RNF220: variants seen among roughly 807,000 people sequenced by gnomAD.
The protein encoded by RNF220 is E3 ubiquitin-protein ligase RNF220.
Under a neutral mutation model 67.1 loss-of-function variants are expected in RNF220, and 7 were observed. That is an observed-to-expected ratio of 0.10 (90% confidence interval 0.06 to 0.20). The LOEUF (loss-of-function observed/expected upper bound fraction) is 0.20, where lower values mean the gene tolerates loss of function less well. Among genes scored for constraint, RNF220 ranks in the 10% least tolerant of loss-of-function variants. The pLI is 1.00. For synonymous variants in RNF220, 270 were observed against 283.2 expected (o/e 0.95, Z 0.47); for missense variants, 565 against 740.3 (o/e 0.76, Z 2.75).
In RNF220 at chr1:44,645,486, G is replaced by A; in HGVS notation, c.1443G>A (p.Glu481=). ...AGACCTGCAAGAACAGCGACATCGA[G>A]AAGTAAGTGTTTGGCCAGGAGAGAG... ...MQKTCKNSDI[E]KITEDSAVTT... Residue 481 remains glutamate (E), a splice_region_variant and synonymous_variant, in exon 12 of 15, where the codon GAG becomes GAA. Coordinates refer to ENST00000361799, the MANE Select transcript of RNF220 (RefSeq NM_018150.4). This position sits in a 1 kb window ranked among gnomAD's most constrained non-coding sequence, Gnocchi z 5.0. 6.2e-7 allele frequency: 1 copy of A among 1,613,900 alleles called. No homozygotes were observed. The highest frequency in any genetic ancestry group is 8.5e-7 in the Non-Finnish European group (1 of 1,179,964).
chr1:44,457,906 C>T (rs10890301), intron 2 of RNF220, among the ~76,000 whole-genome samples: 150,674 of 152,322 alleles, frequency 0.99, 74,528 homozygotes, highest in East Asian at 1. Context: ...TCCTTGATTC[C>T]TGAACAACCA....
At chr1:44,488,377 C>T (rs938565628) in intron 2 of RNF220, among the ~76,000 whole-genome samples, 1 of 152,198 alleles carries the variant, frequency 6.6e-6, no homozygotes, top group Non-Finnish European at 1.5e-5. Context: ...GATCCACCCG[C>T]CTCAGCCCCC....
chr1:44,545,854 T>C (rs1662094933), intron 2 of RNF220, among the ~76,000 whole-genome samples: 1 of 151,862 alleles, frequency 6.6e-6, no homozygotes, highest in African/African-American at 2.4e-5. Context: ...CCTCCTGGGT[T>C]CAAGCAATTC....
At chr1:44,529,963 A>G (rs1660704676) in intron 2 of RNF220, among the ~76,000 whole-genome samples, 1 of 152,060 alleles carries the variant, frequency 6.6e-6, no homozygotes, top group Non-Finnish European at 1.5e-5. Context: ...CTGAGGCAGG[A>G]GAATCGCTTG....
At chr1:44,619,750 A>C (rs1381532989) in intron 3 of RNF220, among the ~76,000 whole-genome samples, 1 of 152,230 alleles carries the variant, frequency 6.6e-6, no homozygotes, top group Non-Finnish European at 1.5e-5. Flanking sequence ...GGCGGGAGCC[A>C]GGCTGCCTAC....
chr1:44,639,759 T>C (rs1644434029), intron 8 of RNF220, among the ~76,000 whole-genome samples: 1 of 152,134 alleles, frequency 6.6e-6, no homozygotes, highest in Admixed American at 6.5e-5. Flanking sequence ...ACAAATCTTT[T>C]CTCTTCTTTT....
At chr1:44,487,548 G>T (rs1021356856) in intron 2 of RNF220, among the ~76,000 whole-genome samples, 2 of 150,712 alleles carry the variant, frequency 1.3e-5, no homozygotes, top group Non-Finnish European at 3.0e-5. Context: ...AAGTAGGGAC[G>T]TGGGCCGAGC....
chr1:44,517,567 T>G (rs1340506705), intron 2 of RNF220, among the ~76,000 whole-genome samples: 1 of 152,224 alleles, frequency 6.6e-6, no homozygotes, highest in Non-Finnish European at 1.5e-5. Context: ...GTTAGACATT[T>G]ATTTGCCTGT....
At chr1:44,545,090 C>T (rs1048715940) in intron 2 of RNF220, among the ~76,000 whole-genome samples, 8 of 152,210 alleles carry the variant, frequency 5.3e-5, no homozygotes, top group Non-Finnish European at 4.4e-5. Context: ...GGAAGGCAAG[C>T]GGGACACCTC....
In RNF220 at chr1:44,593,516, A is replaced by G. The variant is rs187280304; in HGVS notation, c.626-20649A>G. Among the ~76,000 whole-genome samples the G allele has an allele frequency of 5.1e-3, 782 of 151,916 alleles. 2 individuals are homozygous for G. The highest frequency in any genetic ancestry group is 7.9e-3 in the Non-Finnish European group (538 of 67,922). On this transcript the variant is annotated intron_variant, in intron 2 of 14. Transcript: ENST00000361799. ...AAGGCAAGAGGATCGCTTGAGCCCA[A>G]GAGTTGAAGACCAGCCTGGGCAACA...
rs968582426 is a variant in RNF220, at chr1:44,417,616, C to T, written c.625+4894C>T. ...CATGGTGAGAAAACGGACACCGCAG[C>T]CGTCCTCCCTCCTCGCCCCGCGCCC... On this transcript the variant is annotated intron_variant, in intron 2 of 14. Coordinates refer to ENST00000361799, the MANE Select transcript of RNF220 (RefSeq NM_018150.4). The surrounding 1 kb of genome is among the most constrained non-coding windows in gnomAD (Gnocchi z 4.0). 2.3e-4 allele frequency among the ~76,000 whole-genome samples: 35 copies of T among 152,236 alleles called. No individual in the cohort carries two copies. The highest frequency in any genetic ancestry group is 7.7e-4 in the African/African-American group (32 of 41,470).
chr1:44,572,831 G>A (rs956576147), intron 2 of RNF220, among the ~76,000 whole-genome samples: 5 of 152,080 alleles, frequency 3.3e-5, no homozygotes, highest in Non-Finnish European at 7.4e-5. Context: ...TAAGAGAAAT[G>A]TTTGGCCCTA....
Position 44,600,099 on chromosome 1 carries a change from G to A in RNF220, c.626-14066G>A, listed in dbSNP as rs916908510. ...TACTGGATGTAGGGACTGGAGTAAA[G>A]AGTAAAAATTAAGATTGTCAATTTA... is the stretch of plus-strand genomic sequence containing the variant. On this transcript the variant is annotated intron_variant, in intron 2 of 14. Coordinates refer to ENST00000361799, the MANE Select transcript of RNF220 (RefSeq NM_018150.4). The surrounding 1 kb of genome is among the most constrained non-coding windows in gnomAD (Gnocchi z 4.0). Among the ~76,000 whole-genome samples, 2 of 152,176 alleles carry A rather than the reference G, an allele frequency of 1.3e-5. No homozygotes were observed. The highest frequency in any genetic ancestry group is 2.9e-5 in the Non-Finnish European group (2 of 68,030).
chr1:44,595,279 C>A (rs1666397215), intron 2 of RNF220, among the ~76,000 whole-genome samples: 1 of 152,180 alleles, frequency 6.6e-6, no homozygotes, highest in African/African-American at 2.4e-5. Context: ...GGGGCCCCTG[C>A]CTAACACCCC....
chr1:44,636,090 C>G lies in RNF220; in HGVS notation c.1054C>G (p.Arg352Gly), dbSNP rs763307208. Residue 352 changes from arginine to glycine, a missense_variant, in exon 8 of 15, where the codon CGC becomes GGC. Physicochemically the swap from Arg to Gly is moderately radical, Grantham distance 125. Transcript: ENST00000361799. ...AVDIEHENNN[R>G]FEEYEWCGQK... ...GGACATCGAGCATGAGAACAACAAC[C>G]GCTTTGAGGAGTATGAGTGGTGTGG... 6.2e-7 allele frequency: 1 copy of G among 1,614,208 alleles called. No homozygotes were observed.
chr1:44,427,746 C>G (rs1370515337), intron 2 of RNF220, among the ~76,000 whole-genome samples: 1 of 152,172 alleles, frequency 6.6e-6, no homozygotes, highest in Non-Finnish European at 1.5e-5. Flanking sequence ...ACACTAGTAT[C>G]AATCTCTTAG....
chr1:44,646,432 A>G lies in RNF220; in HGVS notation c.1445+944A>G, dbSNP rs184055272. Reference sequence around the variant, plus strand: ...GCCGCGGCGCAGGGCCCGGCTGCCCATGAATCACCGCAGCTGCTCCGTGTC... The same window carrying G: ...GCCGCGGCGCAGGGCCCGGCTGCCCGTGAATCACCGCAGCTGCTCCGTGTC... On this transcript the variant is annotated intron_variant, in intron 12 of 14. Coordinates refer to ENST00000361799, the MANE Select transcript of RNF220 (RefSeq NM_018150.4). Among the ~76,000 whole-genome samples the G allele has an allele frequency of 9.6e-3, 1,470 of 152,354 alleles. 9 individuals are homozygous for G. Among genetic ancestry groups the G allele is most frequent in the Non-Finnish European group, 0.015 (1,010 of 68,032 alleles).
At chr1:44,505,763 A>C (rs570942857) in intron 2 of RNF220, among the ~76,000 whole-genome samples, 19 of 152,142 alleles carry the variant, frequency 1.2e-4, no homozygotes, top group Admixed American at 1.0e-3. Flanking sequence ...CATTCTCCCC[A>C]CGGCAGGAGA....
chr1:44,538,644 A>T (rs1661426419), intron 2 of RNF220, among the ~76,000 whole-genome samples: 1 of 152,200 alleles, frequency 6.6e-6, no homozygotes, highest in South Asian at 2.1e-4. Flanking sequence ...GGCCAAGCGC[A>T]GTGGCTCATG....
Sources: gnomAD v4.1 joint callset for allele counts (sites outside exome capture counted in the v4.1 genomes callset) on GRCh38, gnomAD v4.1.1 for gene constraint, Gnocchi (gnomAD v3.1) non-coding constraint, MANE v1.5 for transcripts, NCBI Gene and HGNC (gene_info 2026-07-23, HGNC 2026-07-21) for gene names.